CNTN4: variants seen among roughly 807,000 people sequenced by gnomAD.
The protein encoded by CNTN4 is contactin 4.
Under a neutral mutation model 122.5 loss-of-function variants are expected in CNTN4, and 77 were observed. The observed-to-expected ratio is 0.63, with a 90% CI of 0.52 to 0.76. The LOEUF (loss-of-function observed/expected upper bound fraction) is 0.76, where lower values mean the gene tolerates loss of function less well. CNTN4 is among the 30% of genes least tolerant of loss of function. The pLI is 0.00. For synonymous variants in CNTN4, 512 were observed against 447.0 expected (o/e 1.15, Z -1.83); for missense variants, 1,256 against 1,259.1 (o/e 1.00, Z 0.04).
chr3:2,596,866 C>T (rs1029681628), intron 4 of CNTN4, among the ~76,000 whole-genome samples: 7 of 152,138 alleles, frequency 4.6e-5, no homozygotes, highest in African/African-American at 1.7e-4. Context: ...TTTGAATCTG[C>T]AGTAAACTGG....
intron 3 of CNTN4, among the ~76,000 whole-genome samples, chr3:2,520,816 G>A (rs1401576854): frequency 1.3e-5 from 2 of 152,066 alleles, no homozygotes; most frequent in Non-Finnish European, 2.9e-5. Flanking sequence ...CTGTGCAGAT[G>A]ACAGAATCAC....
At chr3:2,410,676 A>G (rs1001978368) in intron 3 of CNTN4, among the ~76,000 whole-genome samples, 3 of 152,202 alleles carry the variant, frequency 2.0e-5, no homozygotes, top group African/African-American at 7.2e-5. Flanking sequence ...ATGTATCAGC[A>G]CAGAAAACCA....
At chr3:2,330,011 G>A (rs1224486143) in intron 2 of CNTN4, among the ~76,000 whole-genome samples, 1 of 152,026 alleles carries the variant, frequency 6.6e-6, no homozygotes, top group African/African-American at 2.4e-5. Context: ...TTAAGAGCTC[G>A]GTCCCACGTG....
intron 4 of CNTN4, among the ~76,000 whole-genome samples, chr3:2,624,181 TG>T (rs1217881475): frequency 6.6e-6 from 1 of 152,256 alleles, no homozygotes; most frequent in Non-Finnish European, 1.5e-5. Flanking sequence ...TTGTTGTCTT[TG>T]TAATTCTGTG....
intron 2 of CNTN4, among the ~76,000 whole-genome samples, chr3:2,305,564 T>C (rs2042671983): frequency 6.6e-6 from 1 of 152,168 alleles, no homozygotes; most frequent in Non-Finnish European, 1.5e-5. Context: ...GAATAGTACT[T>C]TCTCTTTATG....
chr3:2,751,457 G>A (rs916795640), intron 6 of CNTN4, among the ~76,000 whole-genome samples: 34 of 152,316 alleles, frequency 2.2e-4, no homozygotes, highest in African/African-American at 7.5e-4. Flanking sequence ...GCTCCTTTGA[G>A]CTTAAGCATA....
At position 2,265,300 on chromosome 3, in the gene CNTN4, C is replaced by G. The variant is rs139806821; in HGVS notation, c.-144-73878C>G. Reference sequence around the variant, plus strand: ...CTGGTTCCATATTTTTGCAATTGGACATTGTATCAGCACCATTTTTAAATG... The same window carrying G: ...CTGGTTCCATATTTTTGCAATTGGAGATTGTATCAGCACCATTTTTAAATG... On this transcript the variant is annotated intron_variant, in intron 2 of 24. Transcript: ENST00000418658. 2.3e-3 allele frequency among the ~76,000 whole-genome samples: 352 copies of G among 152,082 alleles called. 1 individual carries two copies. Among genetic ancestry groups the G allele is most frequent in the African/African-American group, 8.1e-3 (337 of 41,508 alleles).
chr3:2,123,930 G>A (rs1453504815), intron 2 of CNTN4, among the ~76,000 whole-genome samples: 2 of 152,252 alleles, frequency 1.3e-5, no homozygotes, highest in African/African-American at 2.4e-5. Flanking sequence ...TCTTGATTAG[G>A]CCCTGGTGAA....
intron 3 of CNTN4, among the ~76,000 whole-genome samples, chr3:2,365,242 T>G (rs918800501): frequency 6.6e-6 from 1 of 152,180 alleles, no homozygotes; most frequent in Non-Finnish European, 1.5e-5. Context: ...TTCTTTCATC[T>G]GCACTCCCTG....
At chr3:2,108,451 T>C (rs1559248373) in intron 2 of CNTN4, among the ~76,000 whole-genome samples, 1 of 152,186 alleles carries the variant, frequency 6.6e-6, no homozygotes, top group African/African-American at 2.4e-5. Flanking sequence ...TATTCATTTT[T>C]AAAACCAGGA....
chr3:2,182,891 G>T (rs80226254), intron 2 of CNTN4, among the ~76,000 whole-genome samples: 1 of 151,722 alleles, frequency 6.6e-6, no homozygotes, highest in African/African-American at 2.4e-5. Context: ...CTAACAGCAG[G>T]TGCTCTCTTC....
chr3:2,184,330 G>T (rs754151835), intron 2 of CNTN4, among the ~76,000 whole-genome samples: 1 of 152,048 alleles, frequency 6.6e-6, no homozygotes, highest in Non-Finnish European at 1.5e-5. Context: ...AAGGGATGAA[G>T]GAGGACTTTT....
intron 15 of CNTN4, 122 bp from the exon 16 acceptor site, chr3:3,030,733 C>A (rs1245290231): frequency 2.5e-6 from 3 of 1,176,604 alleles, no homozygotes; most frequent in Non-Finnish European, 3.8e-6. Context: ...CCATGGTTTG[C>A]ATCACTAATG....
chr3:2,432,940 G>T (rs1024103915), intron 3 of CNTN4, among the ~76,000 whole-genome samples: 2 of 151,732 alleles, frequency 1.3e-5, no homozygotes, highest in Admixed American at 6.6e-5. Flanking sequence ...CAAGTAGCTG[G>T]ATTACAGGTG....
intron 2 of CNTN4, among the ~76,000 whole-genome samples, chr3:2,271,361 C>T (rs2041288990): frequency 6.6e-6 from 1 of 152,004 alleles, no homozygotes; most frequent in Non-Finnish European, 1.5e-5. Context: ...GAAGGAACCT[C>T]AAATTTTGTG....
chr3:2,727,073 A>G (rs904430111), intron 4 of CNTN4, among the ~76,000 whole-genome samples: 46 of 152,354 alleles, frequency 3.0e-4, no homozygotes, highest in Admixed American at 2.9e-3. Flanking sequence ...AGGGCAGGAC[A>G]ATGTCTGCTT....
intron 7 of CNTN4, among the ~76,000 whole-genome samples, chr3:2,855,727 A>C (rs1401209181): frequency 6.6e-6 from 1 of 152,198 alleles, no homozygotes; most frequent in African/African-American, 2.4e-5. Flanking sequence ...AGCGTAAGTC[A>C]CATCAGGTGG....
chr3:2,858,524 A>G (rs1328257773), intron 7 of CNTN4, among the ~76,000 whole-genome samples: 1 of 152,032 alleles, frequency 6.6e-6, no homozygotes, highest in Non-Finnish European at 1.5e-5. Flanking sequence ...TCAGTAGTTC[A>G]CGGCAAGCTT....
At chr3:2,171,556 A>C (rs1284098810) in intron 2 of CNTN4, among the ~76,000 whole-genome samples, 1 of 152,178 alleles carries the variant, frequency 6.6e-6, no homozygotes, top group Admixed American at 6.5e-5. Context: ...AAGTAGAGCT[A>C]TTTCCAATTT....
Sources: gnomAD v4.1 joint callset for allele counts (sites outside exome capture counted in the v4.1 genomes callset) on GRCh38, gnomAD v4.1.1 for gene constraint, MANE v1.5 for transcripts, NCBI Gene and HGNC (gene_info 2026-07-23, HGNC 2026-07-21) for gene names.